The following ERC1 variants were observed in gnomAD, a reference collection of about 807,000 sequenced individuals.
ERC1 encodes the protein RAB6 interacting protein 2.
Under a neutral mutation model 132.0 loss-of-function variants are expected in ERC1, and 56 were observed. The ratio of observed to expected loss-of-function variants is 0.42; its 90% CI spans 0.34 to 0.53. The LOEUF is 0.53. ERC1 is among the 20% of genes least tolerant of loss of function. ERC1 has a pLI of 0.03. For synonymous variants in ERC1, 478 were observed against 476.1 expected, an observed-to-expected ratio of 1.00 and a Z score of -0.05; for missense variants, 1,202 against 1,349.9, an observed-to-expected ratio of 0.89 and a Z score of 1.72.
intron 1 of ERC1, among the ~76,000 whole-genome samples, chr12:1,023,241 G>C (rs1437578666): frequency 1.3e-5 from 2 of 152,094 alleles, no homozygotes; most frequent in African/African-American, 4.8e-5. Flanking sequence ...TGGAGGAAGA[G>C]GATCAATTTA....
chr12:1,097,058 T>C (rs1232758529), intron 3 of ERC1, among the ~76,000 whole-genome samples: 2 of 152,252 alleles, frequency 1.3e-5, no homozygotes, highest in African/African-American at 2.4e-5. Context: ...AAATATGCTT[T>C]AAATCTCTTA....
At chr12:1,423,850 T>C (rs1367281495) in intron 17 of ERC1, among the ~76,000 whole-genome samples, 3 of 152,168 alleles carry the variant, frequency 2.0e-5, no homozygotes, top group Non-Finnish European at 1.5e-5. Context: ...TTCAGAAATA[T>C]CATTTGTCTT....
At chr12:1,033,609 G>A (rs546749637) in intron 2 of ERC1, among the ~76,000 whole-genome samples, 13 of 151,922 alleles carry the variant, frequency 8.6e-5, no homozygotes, top group South Asian at 6.2e-4. Context: ...GATTACAGGC[G>A]TGTGCCACCA....
rs1471834289 is a variant in ERC1 at position 1,027,898 on chromosome 12, G to C, written c.-6G>C. The C allele has an allele frequency of 6.3e-7, 1 of 1,590,652 alleles. No homozygotes were observed. Among genetic ancestry groups the C allele is most frequent in the East Asian group, 2.2e-5 (1 of 44,482 alleles). On this transcript the variant is annotated 5_prime_UTR_variant, in exon 2 of 19. Coordinates refer to ENST00000360905, the MANE Select transcript of ERC1 (RefSeq NM_178040.4). ...TTCTGCTCACACCTTTCCTGACCTTGCAACCATGTATGGAAGTGCCCGCTC... is the reference window on the plus strand; with the variant it reads ...TTCTGCTCACACCTTTCCTGACCTTCCAACCATGTATGGAAGTGCCCGCTC...
chr12:1,224,846 C>CAAAAA (rs1399694548), intron 12 of ERC1, among the ~76,000 whole-genome samples: 1 of 151,780 alleles, frequency 6.6e-6, no homozygotes, highest in African/African-American at 2.4e-5. Context: ...ACAAAATTAG[C>CAAAAA]CAGGCATGGT....
chr12:1,266,646 C>T lies in ERC1; in HGVS notation c.2619+3481C>T, dbSNP rs769292548. 1.2e-3 allele frequency among the ~76,000 whole-genome samples: 176 copies of T among 152,064 alleles called. 1 individual carries two copies. The highest frequency in any genetic ancestry group is 1.8e-3 in the Non-Finnish European group (121 of 67,972). Reference sequence around the variant, plus strand: ...TCTCGAACTCCTGACCTCAAGTGATCCGCCCGCCTCGGCCTCTGAAAGTGC... The same window carrying T: ...TCTCGAACTCCTGACCTCAAGTGATTCGCCCGCCTCGGCCTCTGAAAGTGC... On this transcript the variant is annotated intron_variant, in intron 14 of 18. Transcript: ENST00000360905.
chr12:1,076,628 T>C (rs1480358135), intron 2 of ERC1, among the ~76,000 whole-genome samples: 1 of 152,098 alleles, frequency 6.6e-6, no homozygotes, highest in Non-Finnish European at 1.5e-5. Flanking sequence ...CTCCTGACCT[T>C]GTGATCCGCC....
chr12:1,153,691 A>C (rs1265922286), intron 8 of ERC1, among the ~76,000 whole-genome samples: 1 of 152,232 alleles, frequency 6.6e-6, no homozygotes, highest in East Asian at 1.9e-4. Context: ...CAAACGGATC[A>C]CTGTGAGTTT....
intron 2 of ERC1, among the ~76,000 whole-genome samples, chr12:1,063,272 A>C (rs943433386): frequency 1.3e-5 from 2 of 148,846 alleles, no homozygotes; most frequent in African/African-American, 2.5e-5. Context: ...TTATTTATTT[A>C]GTTTTTGAGA....
chr12:1,002,201 T>C (rs1962508974), intron 1 of ERC1, among the ~76,000 whole-genome samples: 1 of 122,828 alleles, frequency 8.1e-6, no homozygotes, highest in Admixed American at 9.2e-5. Context: ...TTTGAGACAG[T>C]TTCACTCTGT....
chr12:1,314,591 TG>T (rs2081557357), intron 15 of ERC1, among the ~76,000 whole-genome samples: 1 of 152,222 alleles, frequency 6.6e-6, no homozygotes, highest in African/African-American at 2.4e-5. Context: ...ACACAATGAT[TG>T]ACCCTGGTAA....
chr12:1,485,224 A>ATTT (rs2094189681), intron 18 of ERC1, among the ~76,000 whole-genome samples: 1 of 38,042 alleles, frequency 2.6e-5, no homozygotes, highest in African/African-American at 9.7e-5. Flanking sequence ...TTTTTTTTTG[A>ATTT]GACAGAGTCT....
intron 3 of ERC1, among the ~76,000 whole-genome samples, chr12:1,083,793 C>T (rs1222158462): frequency 6.6e-6 from 1 of 152,130 alleles, no homozygotes; most frequent in African/African-American, 2.4e-5. Context: ...CAGTGACTTT[C>T]TGGGTCTTTT....
rs927757158 is a variant in ERC1, at chr12:1,244,764, C to T, written c.2487+7860C>T. Reference sequence around the variant, plus strand: ...CTGGTCCTAGCATCATGTGATCTGCCTGCCTCGGCCTCTACAAGTGCTGGG... The same window carrying T: ...CTGGTCCTAGCATCATGTGATCTGCTTGCCTCGGCCTCTACAAGTGCTGGG... On this transcript the variant is annotated intron_variant, in intron 13 of 18. Coordinates refer to ENST00000360905, the MANE Select transcript of ERC1 (RefSeq NM_178040.4). The T allele has an allele frequency of 1.1e-5, 3 of 285,548 alleles. No individual in the cohort carries two copies. The Admixed American group carries it at 1.4e-4, about 13-fold the overall frequency. The allele number at this position is 285,548 out of a possible 1,614,324, so 17.7% of individuals were successfully genotyped here.
At chr12:992,201 C>T (rs565392703) in intron 1 of ERC1, among the ~76,000 whole-genome samples, 16 of 152,184 alleles carry the variant, frequency 1.1e-4, no homozygotes, top group Non-Finnish European at 1.8e-4. Flanking sequence ...CTCTTTATAC[C>T]ACCCTTTTAC....
At chr12:1,421,848 T>G (rs1409933993) in intron 17 of ERC1, among the ~76,000 whole-genome samples, 1 of 149,070 alleles carries the variant, frequency 6.7e-6, no homozygotes, top group East Asian at 1.9e-4. Flanking sequence ...AAACCCCATC[T>G]CTACTAAAAA....
At chr12:1,331,468 A>G (rs1038923034) in intron 15 of ERC1, among the ~76,000 whole-genome samples, 1 of 152,200 alleles carries the variant, frequency 6.6e-6, no homozygotes, top group Admixed American at 6.5e-5. Flanking sequence ...TCTTACAGAT[A>G]GTGGTACCAT....
intron 13 of ERC1, among the ~76,000 whole-genome samples, chr12:1,246,673 C>G (rs1319363849): frequency 2.6e-5 from 4 of 152,184 alleles, no homozygotes; most frequent in Non-Finnish European, 1.5e-5. Flanking sequence ...TTAGAGTTAA[C>G]ATTACCAGTA....
chr12:1,036,864 C>T (rs1969191952), intron 2 of ERC1, among the ~76,000 whole-genome samples: 1 of 152,036 alleles, frequency 6.6e-6, no homozygotes, highest in Non-Finnish European at 1.5e-5. Context: ...TTTGTTGTTT[C>T]AGAAGGGGAA....
Sources: allele counts gnomAD v4.1 joint callset (sites outside exome capture counted in the v4.1 genomes callset), GRCh38; gene constraint gnomAD v4.1.1; transcripts MANE v1.5; gene names NCBI Gene and HGNC (gene_info 2026-07-23, HGNC 2026-07-21).